The following ZNF516 variants were observed in gnomAD, a reference collection of about 807,000 sequenced individuals.
ZNF516 encodes zinc finger protein 516.
ZNF516 carries 19 observed loss-of-function variants against 79.7 expected under a neutral mutation model. The observed-to-expected ratio is 0.24, with a 90% CI of 0.17 to 0.35. The LOEUF is 0.35. ZNF516 is among the 10% of genes least tolerant of loss of function. The probability of loss-of-function intolerance (pLI) is 1.00; values close to 1 mark genes in which losing one functional copy is unlikely to be tolerated. For missense variants in ZNF516, 1,678 were observed against 1,679.5 expected, an observed-to-expected ratio of 1.00 and a Z score of 0.02; for synonymous variants, 877 against 739.5, an observed-to-expected ratio of 1.19 and a Z score of -3.02.
At chr18:76,461,904 G>A (rs557161568) in intron 2 of ZNF516, among the ~76,000 whole-genome samples, 5 of 152,226 alleles carry the variant, frequency 3.3e-5, no homozygotes, top group African/African-American at 9.6e-5. Context: ...GGATGGGAAG[G>A]GTGCGGCGTC....
intron 1 of ZNF516, among the ~76,000 whole-genome samples, chr18:76,489,029 G>A (rs550276957): frequency 1.3e-5 from 2 of 152,356 alleles, no homozygotes; most frequent in African/African-American, 4.8e-5. Context: ...GCTCCCTGCT[G>A]CAGAACGCAG....
chr18:76,490,124 T>C (rs749149258), intron 1 of ZNF516: 1 of 982,408 alleles, frequency 1.0e-6, no homozygotes, highest in African/African-American at 1.7e-5. Flanking sequence ...ATTACCAAAA[T>C]ATTTGTGAGT....
chr18:76,415,372 C>T (rs374773087), intron 3 of ZNF516, among the ~76,000 whole-genome samples: 4 of 152,190 alleles, frequency 2.6e-5, no homozygotes, highest in South Asian at 2.1e-4. Flanking sequence ...ACGGTTGTCA[C>T]GGCAAGCCCG....
At position 76,445,523 on chromosome 18, in the gene ZNF516, C is replaced by T. The variant is rs146994252; in HGVS notation, c.-157-2312G>A. Among the ~76,000 whole-genome samples the T allele has an allele frequency of 9.3e-4, 142 of 152,300 alleles. No individual in the cohort carries two copies. The South Asian group carries it at 0.011, about 12-fold the overall frequency. On this transcript the variant is annotated intron_variant, in intron 2 of 6. Transcript: ENST00000443185. ...ATATTCAAAGTATGAATGAAACACA[C>T]TATTTATATCTAACTTAGTGACTGG...
intron 3 of ZNF516, among the ~76,000 whole-genome samples, chr18:76,384,508 A>C (rs1599158030): frequency 2.9e-5 from 1 of 34,510 alleles, no homozygotes; most frequent in Admixed American, 4.4e-4. Context: ...TACCCCCTCC[A>C]CAGTTCTCAC....
intron 4 of ZNF516, among the ~76,000 whole-genome samples, chr18:76,373,715 G>A (rs937038862): frequency 1.3e-5 from 2 of 152,034 alleles, no homozygotes; most frequent in Non-Finnish European, 1.5e-5. Context: ...ATGAGCACGC[G>A]TGCACACACA....
At chr18:76,478,835 C>T (rs1421565103) in intron 1 of ZNF516, among the ~76,000 whole-genome samples, 2 of 152,120 alleles carry the variant, frequency 1.3e-5, no homozygotes, top group African/African-American at 4.8e-5. Flanking sequence ...ACAGGCAGAT[C>T]CCTTGAGGTC....
intron 3 of ZNF516, among the ~76,000 whole-genome samples, chr18:76,413,921 C>A (rs2145321802): frequency 6.6e-6 from 1 of 152,270 alleles, no homozygotes; most frequent in East Asian, 1.9e-4. Flanking sequence ...AATGTTTTTT[C>A]AAACTGATAC....
intron 4 of ZNF516, among the ~76,000 whole-genome samples, chr18:76,372,168 G>A (rs1599136833): frequency 6.6e-6 from 1 of 152,246 alleles, no homozygotes; most frequent in Admixed American, 6.5e-5. Context: ...GCTGGCCATC[G>A]GCAAGGGGGG....
intron 6 of ZNF516, among the ~76,000 whole-genome samples, chr18:76,364,185 G>A (rs191910505): frequency 7.2e-4 from 110 of 152,342 alleles, no homozygotes; most frequent in Admixed American, 1.6e-3. Context: ...GTTAAATTGT[G>A]TTCACAAATC....
intron 1 of ZNF516, among the ~76,000 whole-genome samples, chr18:76,480,524 C>CACACATATATATAT (rs1267997459): frequency 6.9e-5 from 8 of 116,466 alleles, no homozygotes; most frequent in South Asian, 2.6e-4. Context: ...CACACACACA[C>CACACATATATATAT]ATATATTTTT....
At chr18:76,441,199 G>A (rs1329601151) in intron 3 of ZNF516, 46 bp downstream of exon 3, 6 of 1,574,910 alleles carry the variant, frequency 3.8e-6, no homozygotes, top group Non-Finnish European at 5.2e-6. Flanking sequence ...GGAACCCCCT[G>A]AGCCTGGGAT....
Position 76,491,574 on chromosome 18 carries a change from C to A in ZNF516, c.-272+3570G>T, listed in dbSNP as rs916988933. The A allele has an allele frequency of 6.0e-5, 9 of 149,764 alleles. No individual in the cohort carries two copies. In the Admixed American group the frequency reaches 6.1e-4, roughly 10 times the overall value. 9.3% of individuals were successfully genotyped at this position (149,764 alleles called of 1,614,324 possible). On this transcript the variant is annotated intron_variant, in intron 1 of 6. Coordinates refer to ENST00000443185, the MANE Select transcript of ZNF516 (RefSeq NM_014643.4). ...GGGGCGGGGGGCGGGCGCCGGGGGG[C>A]GGGGGCGGCGGGCCAGGCCCTCCCC...
chr18:76,460,388 C>A (rs1215234463), intron 2 of ZNF516, among the ~76,000 whole-genome samples: 9 of 152,200 alleles, frequency 5.9e-5, no homozygotes, highest in Non-Finnish European at 1.2e-4. Flanking sequence ...CTCTCTGGTG[C>A]CTGGAATGAG....
In ZNF516 at chr18:76,370,527, C is replaced by T. The variant is rs916463035; in HGVS notation, c.3432+1G>A. ...GACATCCAATTCATCATGAGACCTA[C>T]TTGTTTGGGGGCGTCTGCGGAGGTG... On this transcript the variant is annotated splice_donor_variant, in intron 6 of 6. Coordinates refer to ENST00000443185, the MANE Select transcript of ZNF516 (RefSeq NM_014643.4). LOFTEE classifies it high-confidence loss of function. The T allele has an allele frequency of 2.5e-6, 4 of 1,605,154 alleles. No homozygotes were observed. The African/African-American group carries it at 5.4e-5, about 22-fold the overall frequency.
Position 76,379,116 on chromosome 18 carries a change from G to T in ZNF516, c.2998C>A (p.Arg1000Ser), listed in dbSNP as rs746209200. 6.2e-7 allele frequency: 1 copy of T among 1,612,196 alleles called. No individual in the cohort carries two copies. The highest frequency in any genetic ancestry group is 2.2e-5 in the East Asian group (1 of 44,846). The change falls in exon 4 of 7, where the codon CGC becomes AGC. Residue 1000 changes from arginine (R) to serine (S), a missense_variant. Physicochemically the swap from Arg to Ser is moderately radical, Grantham distance 110. This residue lies in a region of ZNF516 where 1,294 missense variants were observed against 1,248.3 expected (regional missense o/e 1.04). Transcript: ENST00000443185. ...TGGGCTGCCTTCGAGGGGGGCTCGC[G>T]GGGAGGTAGAGGAGGAGCGCCCCCT... Reference protein sequence around the residue: ...GEGGAPPLPPREPPSKAAQEL... With the variant: ...GEGGAPPLPPSEPPSKAAQEL...
At chr18:76,386,887 C>T (rs2075000764) in intron 3 of ZNF516, 1 of 152,164 alleles carries the variant, frequency 6.6e-6, no homozygotes, top group Admixed American at 6.5e-5. Context: ...TGATGGTTCC[C>T]ACAGGATGTG....
At chr18:76,491,492 T>C (rs1206822351) in intron 1 of ZNF516, among the ~76,000 whole-genome samples, 1 of 131,048 alleles carries the variant, frequency 7.6e-6, no homozygotes, top group Non-Finnish European at 1.7e-5. Flanking sequence ...GTCCGTCTCT[T>C]TCACTTCTTG....
Position 76,379,208 on chromosome 18 carries a change from C to T in ZNF516, c.2906G>A (p.Ser969Asn). 6.2e-7 allele frequency: 1 copy of T among 1,612,882 alleles called. No homozygotes were observed. Among genetic ancestry groups the T allele is most frequent in the Non-Finnish European group, 8.5e-7 (1 of 1,179,762 alleles). The stretch of plus-strand genomic sequence containing the variant: ...TTTGGCTTTCAGGGAGTCCGGGGCA[C>T]TGTGCTTATTTGTGGGGGCAAAGCC... ...GAGFAPTNKH[S>N]APDSLKAKFS... The change falls in exon 4 of 7, where the codon AGT becomes AAT. Residue 969 changes from serine (S) to asparagine (N), a missense_variant. Ser to Asn is a conservative substitution (Grantham distance 46). This residue lies in a region of ZNF516 where 1,294 missense variants were observed against 1,248.3 expected (regional missense o/e 1.04). Coordinates refer to ENST00000443185, the MANE Select transcript of ZNF516 (RefSeq NM_014643.4).
Sources: gnomAD v4.1 joint callset for allele counts (sites outside exome capture counted in the v4.1 genomes callset) on GRCh38, gnomAD v4.1.1 for gene constraint, gnomAD v4.1.1 regional missense constraint, MANE v1.5 for transcripts, NCBI Gene and HGNC (gene_info 2026-07-23, HGNC 2026-07-21) for gene names.